Variants in TC2N observed in about 807,000 individuals in gnomAD.
TC2N encodes tandem C2 domains nuclear protein.
A neutral mutation model predicts 61.9 loss-of-function variants in TC2N; 51 were observed. That is an observed-to-expected ratio of 0.82 (90% CI 0.66 to 1.04). The LOEUF (loss-of-function observed/expected upper bound fraction) is 1.04. TC2N is among the 50% of genes least tolerant of loss of function. The probability of loss-of-function intolerance (pLI) is 0.00; values close to 1 mark genes in which losing one functional copy is unlikely to be tolerated. For missense variants in TC2N, 556 were observed against 566.7 expected, an observed-to-expected ratio of 0.98 and a Z score of 0.19; for synonymous variants, 204 against 192.6, an observed-to-expected ratio of 1.06 and a Z score of -0.49.
intron 3 of TC2N, among the ~76,000 whole-genome samples, chr14:91,803,588 G>C (rs1472023715): frequency 6.6e-6 from 1 of 151,976 alleles, no homozygotes; most frequent in Non-Finnish European, 1.5e-5. Flanking sequence ...AAGTAGCTGG[G>C]ATTACAGGCA....
At chr14:91,788,490 C>T (rs1027983032) in intron 9 of TC2N, among the ~76,000 whole-genome samples, 2 of 152,124 alleles carry the variant, frequency 1.3e-5, no homozygotes, top group Admixed American at 1.3e-4. Flanking sequence ...CATACTAGGG[C>T]TCAGCATAGA....
rs756081110 is a variant in TC2N, at chr14:91,781,751, C to T, written c.*1349G>A. 6.6e-6 allele frequency: 1 copy of T among 151,886 alleles called. No homozygotes were observed. Among genetic ancestry groups the T allele is most frequent in the Non-Finnish European group, 1.5e-5 (1 of 67,934 alleles). 9.4% of individuals were successfully genotyped at this position (151,886 alleles called of 1,614,324 possible). On this transcript the variant is annotated 3_prime_UTR_variant, in exon 12 of 12. Transcript: ENST00000435962. The stretch of plus-strand genomic sequence containing the variant: ...TACCACAAAATCAGAGCAGTAGAAG[C>T]AAAGGGGATATAAGATGTGGACATT...
At chr14:91,826,910 T>C (rs1887523106) in intron 1 of TC2N, among the ~76,000 whole-genome samples, 1 of 152,218 alleles carries the variant, frequency 6.6e-6, no homozygotes, top group Non-Finnish European at 1.5e-5. Context: ...TTGTATGGAA[T>C]ATCTTTTTCT....
intron 1 of TC2N, among the ~76,000 whole-genome samples, chr14:91,832,315 G>A (rs548848845): frequency 9.2e-5 from 14 of 151,592 alleles, no homozygotes; most frequent in South Asian, 8.3e-4. Flanking sequence ...GCTTGAACCC[G>A]GGAGGCAGAA....
intron 1 of TC2N, among the ~76,000 whole-genome samples, chr14:91,856,571 G>A (rs1171973353): frequency 6.6e-6 from 1 of 152,026 alleles, no homozygotes; most frequent in African/African-American, 2.4e-5. Context: ...GCTTCATGTG[G>A]TATCACTAAC....
intron 3 of TC2N, among the ~76,000 whole-genome samples, chr14:91,811,834 C>T (rs1259585051): frequency 6.6e-6 from 1 of 151,956 alleles, no homozygotes; most frequent in Non-Finnish European, 1.5e-5. Flanking sequence ...GTAGTATTTG[C>T]ACATAACCTA....
At chr14:91,795,313 GA>G (rs2139835494) in intron 8 of TC2N, among the ~76,000 whole-genome samples, 1 of 152,238 alleles carries the variant, frequency 6.6e-6, no homozygotes, top group Admixed American at 6.5e-5. Context: ...TGAGAGGATG[GA>G]ATCCAATTTT....
At chr14:91,788,641 C>A (rs765849624) in intron 9 of TC2N, among the ~76,000 whole-genome samples, 28 of 152,082 alleles carry the variant, frequency 1.8e-4, no homozygotes, top group African/African-American at 3.9e-4. Context: ...ACAACAACAA[C>A]AAAAAAACAA....
At chr14:91,820,621 TA>T (rs778803718) in intron 1 of TC2N, among the ~76,000 whole-genome samples, 25 of 151,692 alleles carry the variant, frequency 1.6e-4, no homozygotes, top group Non-Finnish European at 3.2e-4. Flanking sequence ...CCAATTAGGC[TA>T]AAAATATTTT....
intron 1 of TC2N, among the ~76,000 whole-genome samples, chr14:91,832,682 A>T (rs978651158): frequency 1.3e-5 from 2 of 152,172 alleles, no homozygotes. Flanking sequence ...TTATAAAACA[A>T]TCCGGTGTTT....
intron 1 of TC2N, among the ~76,000 whole-genome samples, chr14:91,863,989 C>CA (rs201119608): frequency 0.017 from 2,576 of 148,814 alleles, 36 homozygotes; most frequent in Non-Finnish European, 0.026. Context: ...CAGACCCTGG[C>CA]AAAAAAAAAG....
chr14:91,845,376 A>G (rs1355058417), intron 1 of TC2N, among the ~76,000 whole-genome samples: 1 of 152,222 alleles, frequency 6.6e-6, no homozygotes, highest in East Asian at 1.9e-4. Flanking sequence ...CAAAGAAGTA[A>G]TGGTACAGAT....
At chr14:91,799,214 A>T in intron 5 of TC2N, 150 bp from the exon 6 acceptor site, 14 of 109,388 alleles carry the variant, frequency 1.3e-4, no homozygotes, top group Non-Finnish European at 1.4e-4. Context: ...CAGGTAGTGG[A>T]AAAAAAAAAA....
Position 91,851,613 on chromosome 14 carries a change from A to G in TC2N, c.-57+15649T>C, listed in dbSNP as rs542615070. On this transcript the variant is annotated intron_variant, in intron 1 of 11. Transcript: ENST00000435962. ...CTTACCTGTCCCTTTGAAGTATCAC[A>G]ATGGCTGAGGCTCTCACAAAATTCT... Among the ~76,000 whole-genome samples, 7 of 152,352 alleles carry G rather than the reference A, an allele frequency of 4.6e-5. No individual in the cohort carries two copies. The South Asian group carries it at 1.2e-3, about 27-fold the overall frequency.
chr14:91,833,841 T>G (rs1203674270), intron 1 of TC2N, among the ~76,000 whole-genome samples: 1 of 152,212 alleles, frequency 6.6e-6, no homozygotes, highest in African/African-American at 2.4e-5. Flanking sequence ...AACACTTGGT[T>G]GCCAGCCTTT....
intron 1 of TC2N, among the ~76,000 whole-genome samples, chr14:91,834,115 A>C (rs1050081746): frequency 6.6e-6 from 1 of 152,242 alleles, no homozygotes; most frequent in African/African-American, 2.4e-5. Flanking sequence ...CCATTGGGAC[A>C]TACGTAAAAG....
At chr14:91,818,657 C>A (rs967214869) in intron 1 of TC2N, among the ~76,000 whole-genome samples, 1 of 151,830 alleles carries the variant, frequency 6.6e-6, no homozygotes, top group African/African-American at 2.4e-5. Context: ...TCAATATGTT[C>A]AAAAGGTTAA....
chr14:91,861,014 A>G (rs1298933098), intron 1 of TC2N, among the ~76,000 whole-genome samples: 1 of 152,212 alleles, frequency 6.6e-6, no homozygotes, highest in Non-Finnish European at 1.5e-5. Flanking sequence ...TCTGCTGTAG[A>G]TTACATGAAG....
intron 1 of TC2N, among the ~76,000 whole-genome samples, chr14:91,832,550 T>C (rs1048227558): frequency 1.2e-4 from 19 of 152,108 alleles, no homozygotes; most frequent in African/African-American, 3.4e-4. Context: ...TCTCACCCGA[T>C]TGTCTAAAAG....
Sources: gnomAD v4.1 joint callset for allele counts (sites outside exome capture counted in the v4.1 genomes callset) on GRCh38, gnomAD v4.1.1 for gene constraint, MANE v1.5 for transcripts, NCBI Gene and HGNC (gene_info 2026-07-23, HGNC 2026-07-21) for gene names.